Variants in PCDHAC1 observed in about 807,000 individuals in gnomAD.
The protein encoded by PCDHAC1 is protocadherin alpha-C1.
PCDHAC1 carries 42 observed loss-of-function variants against 60.0 expected under a neutral mutation model. The observed-to-expected ratio is 0.70, with a 90% CI of 0.55 to 0.90. PCDHAC1 has a LOEUF of 0.90. Ranked by LOEUF, PCDHAC1 falls within the 40% of genes least tolerant of loss-of-function variation. The pLI is 0.00. For missense variants in PCDHAC1, 1,160 were observed against 1,222.3 expected (o/e 0.95, Z 0.76); for synonymous variants, 468 against 499.3 (o/e 0.94, Z 0.84).
At chr5:141,008,723 C>G (rs1480694972) in intron 3 of PCDHAC1, among the ~76,000 whole-genome samples, 1 of 152,110 alleles carries the variant, frequency 6.6e-6, no homozygotes, top group Non-Finnish European at 1.5e-5. Flanking sequence ...GAGTGTATGT[C>G]CAACTAGACT....
intron 1 of PCDHAC1, among the ~76,000 whole-genome samples, chr5:140,957,748 G>T (rs2095381433): frequency 6.6e-6 from 1 of 152,080 alleles, no homozygotes; most frequent in South Asian, 2.1e-4. Context: ...GACATGAAAG[G>T]ATGTTCATTA....
chr5:140,966,488 C>G (rs1161799910), intron 1 of PCDHAC1: 7 of 440,132 alleles, frequency 1.6e-5, no homozygotes, highest in East Asian at 1.1e-4. Context: ...TTTCCCTCCC[C>G]CTGGAGCTGT....
At chr5:140,967,010 C>A (rs781936791) in intron 1 of PCDHAC1, 2 of 1,606,340 alleles carry the variant, frequency 1.2e-6, no homozygotes, top group Admixed American at 3.3e-5. Context: ...CATCAACCAT[C>A]TGGGTGCGCC....
At chr5:140,965,851 A>C (rs1257954575) in intron 1 of PCDHAC1, among the ~76,000 whole-genome samples, 1 of 152,252 alleles carries the variant, frequency 6.6e-6, no homozygotes, top group Non-Finnish European at 1.5e-5. Flanking sequence ...GCCAAGGCAC[A>C]CACTGAAAAT....
rs562972971 is a variant in PCDHAC1, at chr5:140,960,395, A to AG, written c.2434-18547dup. 1.1e-4 allele frequency among the ~76,000 whole-genome samples: 17 copies of AG among 152,266 alleles called. No individual in the cohort carries two copies. The Middle Eastern group carries it at 0.014, about 123-fold the overall frequency. ...TTAAGTGCCAAGACATTAGGATGCAAGGGGGGGTGCCCAAAAAGTCAACAA... is the reference window on the plus strand; with the variant it reads ...TTAAGTGCCAAGACATTAGGATGCAAGGGGGGGGTGCCCAAAAAGTCAACAA... On this transcript the variant is annotated intron_variant, in intron 1 of 3. Coordinates refer to ENST00000253807, the MANE Select transcript of PCDHAC1 (RefSeq NM_018898.5).
At chr5:140,931,008 A>G (rs1554208204) in intron 1 of PCDHAC1, among the ~76,000 whole-genome samples, 2 of 152,224 alleles carry the variant, frequency 1.3e-5, no homozygotes, top group African/African-American at 2.4e-5. Flanking sequence ...ATAACATAAC[A>G]GAGGAATTTT....
chr5:140,956,774 C>A (rs1232431991), intron 1 of PCDHAC1, among the ~76,000 whole-genome samples: 2 of 152,070 alleles, frequency 1.3e-5, no homozygotes, highest in Non-Finnish European at 2.9e-5. Flanking sequence ...TCTGTCTGGT[C>A]CTGGGCTTTG....
intron 3 of PCDHAC1, among the ~76,000 whole-genome samples, chr5:140,988,533 C>G (rs1395075166): frequency 6.6e-6 from 1 of 152,160 alleles, no homozygotes; most frequent in African/African-American, 2.4e-5. Flanking sequence ...CTGGCTCCAT[C>G]CATTCATGAC....
intron 1 of PCDHAC1, among the ~76,000 whole-genome samples, chr5:140,946,113 G>T (rs1241993026): frequency 6.6e-6 from 1 of 151,816 alleles, no homozygotes; most frequent in Non-Finnish European, 1.5e-5. Context: ...AAATATATAA[G>T]GAACTCAAAC....
At chr5:140,938,618 C>A (rs925273700) in intron 1 of PCDHAC1, among the ~76,000 whole-genome samples, 1 of 152,138 alleles carries the variant, frequency 6.6e-6, no homozygotes, top group East Asian at 1.9e-4. Flanking sequence ...TTGGAATAAA[C>A]TCAGGTTGCT....
intron 1 of PCDHAC1, among the ~76,000 whole-genome samples, chr5:140,931,344 A>G (rs1233861770): frequency 6.6e-6 from 1 of 151,910 alleles, no homozygotes; most frequent in East Asian, 1.9e-4. Flanking sequence ...GGAGTGAGGA[A>G]TTTTTTTTAG....
chr5:140,946,216 C>T (rs1361042644), intron 1 of PCDHAC1, among the ~76,000 whole-genome samples: 1 of 151,868 alleles, frequency 6.6e-6, no homozygotes, highest in Non-Finnish European at 1.5e-5. Flanking sequence ...AAATGACCAA[C>T]AGGTATACTA....
intron 1 of PCDHAC1, among the ~76,000 whole-genome samples, chr5:140,947,834 A>G (rs2094182215): frequency 6.6e-6 from 1 of 151,584 alleles, no homozygotes; most frequent in Non-Finnish European, 1.5e-5. Flanking sequence ...CAATATTAAT[A>G]TTTGTTTATT....
At chr5:141,007,759 T>C (rs1392582275) in intron 3 of PCDHAC1, among the ~76,000 whole-genome samples, 6 of 152,312 alleles carry the variant, frequency 3.9e-5, no homozygotes, top group Middle Eastern at 3.4e-3. Flanking sequence ...TGGACTCTTA[T>C]TGGCCTGGAA....
chr5:140,964,701 C>T (rs1228970267), intron 1 of PCDHAC1, among the ~76,000 whole-genome samples: 2 of 151,776 alleles, frequency 1.3e-5, no homozygotes, highest in Non-Finnish European at 2.9e-5. Context: ...GAGATTAAGG[C>T]CTCCGAGATC....
chr5:140,968,326 C>G (rs1554230623), intron 1 of PCDHAC1: 1 of 1,614,058 alleles, frequency 6.2e-7, no homozygotes, highest in Non-Finnish European at 8.5e-7. Context: ...CAGTCACCTC[C>G]TATGTCTCCA....
At position 141,010,065 on chromosome 5, in the gene PCDHAC1, A is replaced by G; in HGVS notation, c.*128A>G. The stretch of plus-strand genomic sequence containing the variant: ...CTTAGAGACCTCAGAAATCTGCAGA[A>G]AGTTCCCTGTGTCTGTCTAGAACGC... On this transcript the variant is annotated 3_prime_UTR_variant, in exon 4 of 4. Coordinates refer to ENST00000253807, the MANE Select transcript of PCDHAC1 (RefSeq NM_018898.5). The G allele has an allele frequency of 1.9e-6, 3 of 1,603,546 alleles. No homozygotes were observed. The highest frequency in any genetic ancestry group is 1.1e-5 in the South Asian group (1 of 89,360).
chr5:140,943,679 A>C (rs973228943), intron 1 of PCDHAC1, among the ~76,000 whole-genome samples: 3 of 152,248 alleles, frequency 2.0e-5, no homozygotes, highest in African/African-American at 7.2e-5. Context: ...TGTGAAAAAA[A>C]GGGATAAGGT....
At chr5:140,978,713 A>G (rs2096819329) in intron 1 of PCDHAC1, among the ~76,000 whole-genome samples, 1 of 152,272 alleles carries the variant, frequency 6.6e-6, no homozygotes, top group Admixed American at 6.5e-5. Flanking sequence ...GGCCTTTACA[A>G]GATTATTAAA....
Sources: allele counts gnomAD v4.1 joint callset (sites outside exome capture counted in the v4.1 genomes callset), GRCh38; gene constraint gnomAD v4.1.1; transcripts MANE v1.5; gene names NCBI Gene and HGNC (gene_info 2026-07-23, HGNC 2026-07-21).